Variants in DST observed in about 807,000 individuals in gnomAD.
DST encodes dystonin.
Under a neutral mutation model 875.2 loss-of-function variants are expected in DST, and 253 were observed. That is an observed-to-expected ratio of 0.29 (90% CI 0.26 to 0.32). The LOEUF is 0.32. DST is among the 10% of genes least tolerant of loss of function. The pLI, the probability that DST is intolerant of heterozygous loss-of-function variation, is 1.00. For synonymous variants in DST, 3,124 were observed against 3,197.1 expected, an observed-to-expected ratio of 0.98 and a Z score of 0.77; for missense variants, 8,287 against 9,111.6, an observed-to-expected ratio of 0.91 and a Z score of 3.68.
At chr6:56,614,870 G>A (rs1444923516) in intron 36 of DST, 80 of 992,770 alleles carry the variant, frequency 8.1e-5, no homozygotes, top group Middle Eastern at 5.2e-4. Context: ...AATAGAGAAC[G>A]TCTACTGTAC....
Position 56,605,300 on chromosome 6 carries a change from T to G in DST, c.9328A>C (p.Lys3110Gln), listed in dbSNP as rs6459165. Reference protein sequence around the residue: ...NEELNQKGSLKKATVTLKDEP... With the variant: ...NEELNQKGSLQKATVTLKDEP... ...TCTTTAAGAGTTACAGTTGCTTTTT[T>G]AAGGCTTCCTTTCTGATTAAGTTCT... is the stretch of plus-strand genomic sequence containing the variant. The change falls in exon 40 of 104, where the codon AAA (lysine) becomes CAA (glutamine). Residue 3110 changes from lysine (K) to glutamine (Q), a missense_variant. Transcript: ENST00000680361. The G allele has an allele frequency of 7.4e-3, 11,948 of 1,611,718 alleles. 549 individuals are homozygous for G. In the African/African-American group the frequency reaches 0.12, roughly 16 times the overall value.
intron 4 of DST, among the ~76,000 whole-genome samples, chr6:56,758,589 C>T (rs115784357): frequency 6.6e-6 from 1 of 152,302 alleles, no homozygotes; most frequent in South Asian, 2.1e-4. Context: ...GCTAGTAACA[C>T]TCAACAGCTG....
chr6:56,947,717 T>C (rs988696742), intron 2 of DST, among the ~76,000 whole-genome samples: 1 of 152,108 alleles, frequency 6.6e-6, no homozygotes, highest in African/African-American at 2.4e-5. Context: ...ATCTCAAGAG[T>C]CCCTTTCTCT....
chr6:56,690,313 C>T (rs2099219625), intron 9 of DST, among the ~76,000 whole-genome samples: 1 of 152,128 alleles, frequency 6.6e-6, no homozygotes, highest in Non-Finnish European at 1.5e-5. Context: ...TATTCCAATT[C>T]CAAAGCAGTA....
chr6:56,791,284 A>G (rs1174999719), intron 4 of DST, among the ~76,000 whole-genome samples: 3 of 152,136 alleles, frequency 2.0e-5, no homozygotes, highest in African/African-American at 7.2e-5. Context: ...AAACAAACAA[A>G]TAAGACTGGT....
intron 87 of DST, among the ~76,000 whole-genome samples, chr6:56,486,224 G>A (rs943895429): frequency 3.9e-5 from 6 of 151,934 alleles, no homozygotes; most frequent in Middle Eastern, 3.4e-3. Flanking sequence ...TTAGCCGGGC[G>A]TAGTGGCGGA....
intron 4 of DST, among the ~76,000 whole-genome samples, chr6:56,757,111 G>C (rs1204578786): frequency 6.6e-6 from 1 of 152,174 alleles, no homozygotes; most frequent in East Asian, 1.9e-4. Flanking sequence ...TACACTTTTA[G>C]AAAAGCAGGA....
chr6:56,636,813 G>A (rs562063772), intron 22 of DST, among the ~76,000 whole-genome samples, 161 bp from the exon 23 acceptor site: 100 of 152,346 alleles, frequency 6.6e-4, no homozygotes, highest in African/African-American at 2.3e-3. Flanking sequence ...TGGGCATGGT[G>A]GCTCACGCCT....
chr6:56,501,239 C>T lies in DST; in HGVS notation c.19741-4G>A. 6.4e-7 allele frequency: 1 copy of T among 1,571,300 alleles called. No homozygotes were observed. The highest frequency in any genetic ancestry group is 2.3e-5 in the East Asian group (1 of 44,054). ...ATAGAGCACCCTCCAGTTTATGCTA[C>T]AGAAAAAGTGGAAAGAAAATCCATT... On this transcript the variant is annotated splice_region_variant and splice_polypyrimidine_tract_variant and intron_variant, in intron 79 of 103. Coordinates refer to ENST00000680361, the MANE Select transcript of DST (RefSeq NM_001374736.1).
chr6:56,508,723 T>A lies in DST; in HGVS notation c.19045A>T (p.Ile6349Phe), dbSNP rs765878775. The stretch of plus-strand genomic sequence containing the variant: ...ACCAGTGTGTGTATGTTCTCCCAAA[T>A]GAAAACCATTTGGTCAAGCTTATCC... ...VQDKLDQMVF[I>F]WENIHTLVEE... The change falls in exon 75 of 104, where the codon ATT becomes TTT. Residue 6349 changes from isoleucine (I) to phenylalanine (F), a missense_variant. Physicochemically the swap from Ile to Phe is conservative, Grantham distance 21. Coordinates refer to ENST00000680361, the MANE Select transcript of DST (RefSeq NM_001374736.1). 3 of 1,613,628 alleles carry A rather than the reference T, an allele frequency of 1.9e-6. No individual in the cohort carries two copies. Among genetic ancestry groups the A allele is most frequent in the Non-Finnish European group, 2.5e-6 (3 of 1,179,724 alleles).
chr6:56,492,703 C>T lies in DST; in HGVS notation c.20550+231G>A, dbSNP rs9475707. ...TGGCAAACATGCTGAAACCCCATCTCTACTAAAAATACAAAAATTAGCCAG... is the reference window on the plus strand; with the variant it reads ...TGGCAAACATGCTGAAACCCCATCTTTACTAAAAATACAAAAATTAGCCAG... On this transcript the variant is annotated intron_variant, in intron 84 of 103. Transcript: ENST00000680361. Among the ~76,000 whole-genome samples, 5 of 152,112 alleles carry T rather than the reference C, an allele frequency of 3.3e-5. No homozygotes were observed. In the East Asian group the frequency reaches 5.8e-4, roughly 18 times the overall value.
chr6:56,699,073 A>G (rs1309440380), intron 9 of DST, among the ~76,000 whole-genome samples: 2 of 152,174 alleles, frequency 1.3e-5, no homozygotes, highest in Non-Finnish European at 2.9e-5. Flanking sequence ...ATTCTTTTTA[A>G]TGTATCACTT....
chr6:56,819,030 C>CTA (rs1009722966), intron 4 of DST, among the ~76,000 whole-genome samples: 67 of 152,210 alleles, frequency 4.4e-4, no homozygotes, highest in African/African-American at 1.6e-3. Flanking sequence ...AAAAAAAATA[C>CTA]TACAGCAAGG....
At chr6:56,569,750 G>A (rs1337508808) in intron 54 of DST, 106 bp downstream of exon 54, 4 of 979,892 alleles carry the variant, frequency 4.1e-6, no homozygotes, top group East Asian at 2.5e-5. Context: ...GTACATATAT[G>A]AGGATAAAAC....
In DST at chr6:56,603,315, C is replaced by A. The variant is rs771241611; in HGVS notation, c.11047G>T (p.Val3683Phe). The A allele has an allele frequency of 6.2e-7, 1 of 1,611,040 alleles. No homozygotes were observed. Among genetic ancestry groups the A allele is most frequent in the South Asian group, 1.1e-5 (1 of 90,952 alleles). Residue 3683 changes from valine to phenylalanine, a missense_variant, in exon 42 of 104, where the codon GTT becomes TTT. This residue lies in a region of DST where 3,138 missense variants were observed against 3,116.6 expected (regional missense o/e 1.01). Transcript: ENST00000680361. ...TGGTGGCTAATACTCAATTCTTCAA[C>A]ATGGCCTCTGGGAAAGTCACTGGGA... is the stretch of plus-strand genomic sequence containing the variant. ...SLPSDFPRGH[V>F]EELSISHQSL...
At chr6:56,788,208 CTTT>C (rs1041129605) in intron 4 of DST, among the ~76,000 whole-genome samples, 2 of 128,318 alleles carry the variant, frequency 1.6e-5, no homozygotes, top group African/African-American at 5.6e-5. Flanking sequence ...TTAAGTTCTT[CTTT>C]TTTTTTTTTG....
intron 90 of DST, among the ~76,000 whole-genome samples, chr6:56,479,017 G>C (rs544431212): frequency 4.6e-5 from 7 of 152,142 alleles, no homozygotes; most frequent in African/African-American, 1.7e-4. Flanking sequence ...TGCAAATCAT[G>C]CCTCTGAAAA....
At chr6:56,702,380 TACACAC>T (rs141415908) in intron 7 of DST, among the ~76,000 whole-genome samples, 3 of 149,418 alleles carry the variant, frequency 2.0e-5, no homozygotes, top group East Asian at 3.9e-4. Context: ...TAACTGTATA[TACACAC>T]ACACACACAC....
chr6:56,657,166 C>T (rs1208417914), intron 10 of DST, among the ~76,000 whole-genome samples: 1 of 151,984 alleles, frequency 6.6e-6, no homozygotes, highest in African/African-American at 2.4e-5. Flanking sequence ...GGGGAAAAAA[C>T]ATCCACAATG....
Sources: allele counts gnomAD v4.1 joint callset (sites outside exome capture counted in the v4.1 genomes callset), GRCh38; gene constraint gnomAD v4.1.1; regional missense constraint gnomAD v4.1.1; transcripts MANE v1.5; gene names NCBI Gene and HGNC (gene_info 2026-07-23, HGNC 2026-07-21).